The following PTPN5 variants were observed in gnomAD, a reference collection of about 807,000 sequenced individuals.
PTPN5 encodes the protein protein tyrosine phosphatase non-receptor type 5.
PTPN5 carries 29 observed loss-of-function variants against 73.9 expected under a neutral mutation model. The observed-to-expected ratio is 0.39, with a 90% CI of 0.29 to 0.54. The LOEUF is 0.54. PTPN5 is among the 20% of genes least tolerant of loss of function. PTPN5 has a pLI of 0.65. For missense variants in PTPN5, 652 were observed against 751.4 expected (o/e 0.87, Z 1.55); for synonymous variants, 267 against 304.7 (o/e 0.88, Z 1.29).
chr11:18,769,815 T>C (rs1481860792), intron 2 of PTPN5, among the ~76,000 whole-genome samples: 1 of 152,174 alleles, frequency 6.6e-6, no homozygotes, highest in Non-Finnish European at 1.5e-5. Flanking sequence ...GTGTGGAACA[T>C]CTGGTGCCAT....
In PTPN5 at chr11:18,729,400, C is replaced by G. The variant is rs546098871; in HGVS notation, c.1604+53G>C. 1.1e-5 allele frequency: 10 copies of G among 887,402 alleles called. No homozygotes were observed. In the East Asian group the frequency reaches 2.2e-4, roughly 19 times the overall value. The allele number at this position is 887,402 out of a possible 1,614,324, so 55.0% of individuals were successfully genotyped here. On this transcript the variant is annotated intron_variant, in intron 14 of 14. Transcript: ENST00000358540. The surrounding 1 kb of genome is among the most constrained non-coding windows in gnomAD (Gnocchi z 5.2). ...TGCACATGTGGGTCTCTCCCTCTAC[C>G]CGCTCGGGGCTCTAGCTCCCTTGTG...
chr11:18,778,549 A>T (rs1238415309), intron 1 of PTPN5, among the ~76,000 whole-genome samples: 2 of 152,180 alleles, frequency 1.3e-5, no homozygotes, highest in African/African-American at 4.8e-5. Flanking sequence ...TGCCATCCTG[A>T]CGAGAGTTCT....
chr11:18,783,427 T>G (rs149700167), intron 1 of PTPN5, among the ~76,000 whole-genome samples: 29 of 152,348 alleles, frequency 1.9e-4, no homozygotes, highest in African/African-American at 7.0e-4. Context: ...ACCTGACCCC[T>G]GCCTTCGGAA....
intron 4 of PTPN5, 36 bp from the exon 5 acceptor site, chr11:18,743,465 G>C: frequency 6.3e-7 from 1 of 1,581,134 alleles, no homozygotes; most frequent in Non-Finnish European, 8.7e-7. Flanking sequence ...TATGGAGCCG[G>C]CCCCCTTCCC....
At chr11:18,779,512 G>C (rs1851323560) in intron 1 of PTPN5, among the ~76,000 whole-genome samples, 1 of 152,152 alleles carries the variant, frequency 6.6e-6, no homozygotes, top group Non-Finnish European at 1.5e-5. Context: ...TATTTCATTA[G>C]CTCTTTGAGA....
At chr11:18,751,610 A>G (rs1257850858) in intron 3 of PTPN5, among the ~76,000 whole-genome samples, 1 of 152,158 alleles carries the variant, frequency 6.6e-6, no homozygotes, top group Non-Finnish European at 1.5e-5. Flanking sequence ...TCCATCTCGG[A>G]TGGTAAGCTG....
intron 3 of PTPN5, among the ~76,000 whole-genome samples, chr11:18,762,760 C>T (rs1160613446): frequency 2.6e-5 from 4 of 152,224 alleles, no homozygotes; most frequent in Non-Finnish European, 5.9e-5. Context: ...CAACTCTGCA[C>T]AGCAGTGAAT....
At chr11:18,769,864 G>C (rs567189263) in intron 2 of PTPN5, among the ~76,000 whole-genome samples, 1 of 152,232 alleles carries the variant, frequency 6.6e-6, no homozygotes, top group Non-Finnish European at 1.5e-5. Flanking sequence ...CAGCAGATGG[G>C]GGCTAGGCCT....
Position 18,748,780 on chromosome 11 carries a change from C to T in PTPN5, c.98-4581G>A, listed in dbSNP as rs114433890. 5.0e-3 allele frequency among the ~76,000 whole-genome samples: 762 copies of T among 152,198 alleles called. 3 individuals carry two copies. Among genetic ancestry groups the T allele is most frequent in the African/African-American group, 0.016 (659 of 41,528 alleles). ...ACACATTTATTAAGCGCCGATTATA[C>T]GTCAAGCACTGGGAACACAAAGATT... is the stretch of plus-strand genomic sequence containing the variant. On this transcript the variant is annotated intron_variant, in intron 3 of 14. Transcript: ENST00000358540.
At position 18,728,909 on chromosome 11, in the gene PTPN5, A is replaced by C; in HGVS notation, c.*25T>G. 5 of 1,605,870 alleles carry C rather than the reference A, an allele frequency of 3.1e-6. No individual in the cohort carries two copies. The highest frequency in any genetic ancestry group is 3.4e-6 in the Non-Finnish European group (4 of 1,175,618). ...CCGAGACTCAGGCTGGGCAGTGCCC[A>C]GAGAACCTTGTAGGAGAAGCGCAGT... On this transcript the variant is annotated 3_prime_UTR_variant, in exon 15 of 15. Transcript: ENST00000358540. The surrounding 1 kb of genome is among the most constrained non-coding windows in gnomAD (Gnocchi z 4.1).
chr11:18,756,591 C>T (rs1850147348), intron 3 of PTPN5, among the ~76,000 whole-genome samples: 1 of 151,958 alleles, frequency 6.6e-6, no homozygotes, highest in East Asian at 1.9e-4. Flanking sequence ...CCACTGCACC[C>T]AGCCCATCCT....
chr11:18,732,577 T>C lies in PTPN5; in HGVS notation c.1329+15A>G, dbSNP rs1414393442. 6.2e-7 allele frequency: 1 copy of C among 1,605,704 alleles called. No homozygotes were observed. The highest frequency in any genetic ancestry group is 8.5e-7 in the Non-Finnish European group (1 of 1,173,142). ...ACTCATCCTCAGCTTCACCCAGCCCTGCCCCAGGCCTCACCTTGAGGGAGA... is the reference window on the plus strand; with the variant it reads ...ACTCATCCTCAGCTTCACCCAGCCCCGCCCCAGGCCTCACCTTGAGGGAGA... On this transcript the variant is annotated intron_variant, in intron 12 of 14. Coordinates refer to ENST00000358540, the MANE Select transcript of PTPN5 (RefSeq NM_006906.2).
chr11:18,790,590 C>T (rs1590636884), intron 1 of PTPN5, among the ~76,000 whole-genome samples: 2 of 152,248 alleles, frequency 1.3e-5, no homozygotes, highest in East Asian at 3.9e-4. Flanking sequence ...ATTAAAGCCC[C>T]CTCTCCCCTT....
At chr11:18,771,879 G>A in intron 2 of PTPN5, 60 bp downstream of exon 2, 3 of 1,473,404 alleles carry the variant, frequency 2.0e-6, no homozygotes, top group Non-Finnish European at 2.8e-6. Flanking sequence ...CATCCAGATG[G>A]AGAAGGCTTG....
At chr11:18,780,069 C>G (rs1404496203) in intron 1 of PTPN5, among the ~76,000 whole-genome samples, 2 of 152,186 alleles carry the variant, frequency 1.3e-5, no homozygotes, top group Non-Finnish European at 2.9e-5. Flanking sequence ...CAACCTCACA[C>G]AGGAGACACT....
rs761650832 is a variant in PTPN5, at chr11:18,729,738, T to TG, written c.1409dup (p.Leu471ThrfsTer304). The TG allele has an allele frequency of 9.4e-6, 15 of 1,604,224 alleles. No individual in the cohort carries two copies. The highest frequency in any genetic ancestry group is 1.3e-5 in the African/African-American group (1 of 74,646). On this transcript the variant is annotated frameshift_variant, in exon 13 of 15. Transcript: ENST00000358540. LOFTEE classifies it high-confidence loss of function. The surrounding 1 kb of genome is among the most constrained non-coding windows in gnomAD (Gnocchi z 5.2). The stretch of plus-strand genomic sequence containing the variant: ...CCACCTCCCGCACCAGGTGCAGGAG[T>TG]GGGGGGGCCCGGTCTGGGGTCTTCT...
intron 12 of PTPN5, among the ~76,000 whole-genome samples, chr11:18,731,489 G>A (rs1848874885): frequency 6.6e-6 from 1 of 152,154 alleles, no homozygotes; most frequent in South Asian, 2.1e-4. Flanking sequence ...AGATGCCCTG[G>A]TTCTTCCCTC....
intron 2 of PTPN5, 40 bp downstream of exon 2, chr11:18,771,899 G>A (rs757485072): frequency 1.9e-6 from 3 of 1,589,218 alleles, no homozygotes; most frequent in African/African-American, 2.7e-5. Flanking sequence ...GGCCTCCTCA[G>A]TGGGCGGGTT....
chr11:18,736,885 C>T (rs149240711), intron 9 of PTPN5, among the ~76,000 whole-genome samples: 5 of 152,126 alleles, frequency 3.3e-5, no homozygotes, highest in African/African-American at 7.2e-5. Context: ...GAGGGCAAGA[C>T]GAGGGAAGAG....
Sources: allele counts gnomAD v4.1 joint callset (sites outside exome capture counted in the v4.1 genomes callset), GRCh38; gene constraint gnomAD v4.1.1; non-coding constraint Gnocchi (gnomAD v3.1); transcripts MANE v1.5; gene names NCBI Gene and HGNC (gene_info 2026-07-23, HGNC 2026-07-21).